USP31: variants seen among roughly 807,000 people sequenced by gnomAD.
USP31 encodes the protein ubiquitin specific peptidase 31.
USP31 carries 44 observed loss-of-function variants against 119.4 expected under a neutral mutation model. That is an observed-to-expected ratio of 0.37 (90% CI 0.29 to 0.47). The LOEUF (loss-of-function observed/expected upper bound fraction) is 0.47, where lower values mean the gene tolerates loss of function less well. USP31 is among the 20% of genes least tolerant of loss of function. The probability of loss-of-function intolerance (pLI) is 0.99; values close to 1 mark genes in which losing one functional copy is unlikely to be tolerated. For missense variants in USP31, 1,643 were observed against 1,730.2 expected, an observed-to-expected ratio of 0.95 and a Z score of 0.89; for synonymous variants, 749 against 705.6, an observed-to-expected ratio of 1.06 and a Z score of -0.97.
At chr16:23,121,986 T>G (rs981478445) in intron 1 of USP31, among the ~76,000 whole-genome samples, 2 of 152,170 alleles carry the variant, frequency 1.3e-5, no homozygotes, top group African/African-American at 4.8e-5. Context: ...ATCTGAGAAG[T>G]CTTTATGACG....
At chr16:23,147,938 A>G (rs1903571962) in intron 1 of USP31, among the ~76,000 whole-genome samples, 1 of 152,172 alleles carries the variant, frequency 6.6e-6, no homozygotes, top group Admixed American at 6.5e-5. Context: ...CTCTAAAAAT[A>G]AAATAAAAAT....
At chr16:23,123,208 T>C (rs1273411369) in intron 1 of USP31, among the ~76,000 whole-genome samples, 1 of 152,168 alleles carries the variant, frequency 6.6e-6, no homozygotes, top group Non-Finnish European at 1.5e-5. Flanking sequence ...TAACGCCATA[T>C]ATATTTTTCT....
chr16:23,132,450 G>A (rs1275754135), intron 1 of USP31, among the ~76,000 whole-genome samples: 2 of 150,852 alleles, frequency 1.3e-5, no homozygotes, highest in Non-Finnish European at 2.9e-5. Flanking sequence ...GCCCCTCATT[G>A]TGACGAGTGT....
intron 1 of USP31, among the ~76,000 whole-genome samples, chr16:23,120,769 C>T (rs1902640495): frequency 6.6e-6 from 1 of 152,204 alleles, no homozygotes; most frequent in African/African-American, 2.4e-5. Context: ...ATGTTCTTCG[C>T]TGAGTGGTGC....
chr16:23,112,443 C>G lies in USP31; in HGVS notation c.634-4260G>C, dbSNP rs569044142. ...ACACAAAATTAGTCAGGCGTGGTGACACATGCCTGTAATCCCAGCTACTTG... is the reference window on the plus strand; with the variant it reads ...ACACAAAATTAGTCAGGCGTGGTGAGACATGCCTGTAATCCCAGCTACTTG... On this transcript the variant is annotated intron_variant, in intron 1 of 15. Coordinates refer to ENST00000219689, the MANE Select transcript of USP31 (RefSeq NM_020718.4). Among the ~76,000 whole-genome samples the G allele has an allele frequency of 2.2e-3, 342 of 152,072 alleles. 1 individual carries two copies. Among genetic ancestry groups the G allele is most frequent in the Admixed American group, 6.6e-3 (101 of 15,282 alleles).
At chr16:23,126,195 C>A (rs1453298826) in intron 1 of USP31, among the ~76,000 whole-genome samples, 1 of 151,582 alleles carries the variant, frequency 6.6e-6, no homozygotes, top group Non-Finnish European at 1.5e-5. Context: ...TGGTGGCAGG[C>A]ACCTGTTGTC....
intron 6 of USP31, among the ~76,000 whole-genome samples, chr16:23,092,590 C>A (rs957056414): frequency 6.6e-6 from 1 of 151,980 alleles, no homozygotes; most frequent in Non-Finnish European, 1.5e-5. Context: ...GCTCTCTGGA[C>A]AAGATAATTT....
chr16:23,149,390 A>C lies in USP31; in HGVS notation c.-120T>G. On this transcript the variant is annotated 5_prime_UTR_variant, in exon 1 of 16. Coordinates refer to ENST00000219689, the MANE Select transcript of USP31 (RefSeq NM_020718.4). ...GGCCCGGGGGCTCGACGCCCCACACACCTCAAAGCGCAGCCGAGCCAGCGA... is the reference window on the plus strand; with the variant it reads ...GGCCCGGGGGCTCGACGCCCCACACCCCTCAAAGCGCAGCCGAGCCAGCGA... 1.6e-5 allele frequency: 15 copies of C among 945,848 alleles called. No homozygotes were observed. Among genetic ancestry groups the C allele is most frequent in the Non-Finnish European group, 1.9e-5 (15 of 796,948 alleles). 58.6% of individuals were successfully genotyped at this position (945,848 alleles called of 1,614,324 possible).
At chr16:23,127,540 G>A (rs1902899117) in intron 1 of USP31, among the ~76,000 whole-genome samples, 1 of 152,068 alleles carries the variant, frequency 6.6e-6, no homozygotes, top group Admixed American at 6.5e-5. Context: ...TCAGCTCACT[G>A]CAACCTCTGC....
chr16:23,111,754 ATGT>A (rs906806570), intron 1 of USP31, among the ~76,000 whole-genome samples: 10 of 152,294 alleles, frequency 6.6e-5, no homozygotes, highest in African/African-American at 2.2e-4. Context: ...ACCATCAAAG[ATGT>A]TGTGAGAAAA....
chr16:23,066,750 G>C lies in USP31; in HGVS notation c.*1296C>G, dbSNP rs1255200519. 6.6e-6 allele frequency: 1 copy of C among 152,136 alleles called. No individual in the cohort carries two copies. The highest frequency in any genetic ancestry group is 2.4e-5 in the African/African-American group (1 of 41,424). The allele number at this position is 152,136 out of a possible 1,614,324, so 9.4% of individuals were successfully genotyped here. On this transcript the variant is annotated 3_prime_UTR_variant, in exon 16 of 16. Transcript: ENST00000219689. The stretch of plus-strand genomic sequence containing the variant: ...AAAACTATATACTTTGCTTATCTGT[G>C]AGGTTTTTTTTGGTGAGGTTCTCCT...
chr16:23,072,005 G>C, intron 15 of USP31, 40 bp downstream of exon 15: 3 of 1,586,714 alleles, frequency 1.9e-6, no homozygotes, highest in Non-Finnish European at 2.6e-6. Flanking sequence ...GTGTCTGTGA[G>C]TTACCATTCT....
At chr16:23,073,157 C>A (rs1423405158) in intron 14 of USP31, among the ~76,000 whole-genome samples, 1 of 152,102 alleles carries the variant, frequency 6.6e-6, no homozygotes, top group Admixed American at 6.5e-5. Flanking sequence ...ACACAACAGG[C>A]TGGATGTCAT....
At position 23,142,881 on chromosome 16, in the gene USP31, G is replaced by A. The variant is rs1033373349; in HGVS notation, c.633+5757C>T. Among the ~76,000 whole-genome samples, 43 of 152,172 alleles carry A rather than the reference G, an allele frequency of 2.8e-4. 1 individual carries two copies. Among genetic ancestry groups the A allele is most frequent in the Non-Finnish European group, 2.9e-5 (2 of 68,030 alleles). The stretch of plus-strand genomic sequence containing the variant: ...TTCCAAGGGACACCCTGAAGTCAGT[G>A]TGCTTTGTGGAAAACACTGAAGTAT... On this transcript the variant is annotated intron_variant, in intron 1 of 15. Coordinates refer to ENST00000219689, the MANE Select transcript of USP31 (RefSeq NM_020718.4).
intron 1 of USP31, among the ~76,000 whole-genome samples, chr16:23,119,809 C>T (rs1902609255): frequency 6.6e-6 from 1 of 152,160 alleles, no homozygotes; most frequent in South Asian, 2.1e-4. Context: ...GCCCAAGTGT[C>T]CCAGGATGCT....
chr16:23,097,921 G>C (rs940106271), intron 6 of USP31, among the ~76,000 whole-genome samples: 1 of 151,854 alleles, frequency 6.6e-6, no homozygotes, highest in Non-Finnish European at 1.5e-5. Flanking sequence ...ACAAGACAAG[G>C]ATGCCCTCTC....
chr16:23,072,993 A>G (rs549672131), intron 14 of USP31, among the ~76,000 whole-genome samples: 26 of 152,168 alleles, frequency 1.7e-4, no homozygotes, highest in South Asian at 4.1e-4. Flanking sequence ...GCAAGGATTC[A>G]TAGCCCCTAA....
At chr16:23,110,986 G>A (rs142358114) in intron 1 of USP31, among the ~76,000 whole-genome samples, 2,191 of 152,154 alleles carry the variant, frequency 0.014, 23 homozygotes, top group South Asian at 0.035. Context: ...AAATTAGCCA[G>A]GCGTGGTGGT....
At chr16:23,147,330 A>G (rs1051412465) in intron 1 of USP31, among the ~76,000 whole-genome samples, 2 of 151,920 alleles carry the variant, frequency 1.3e-5, no homozygotes, top group Non-Finnish European at 2.9e-5. Context: ...CTGGTCTCGA[A>G]CCCCCGGACC....
Sources: gnomAD v4.1 joint callset for allele counts (sites outside exome capture counted in the v4.1 genomes callset) on GRCh38, gnomAD v4.1.1 for gene constraint, MANE v1.5 for transcripts, NCBI Gene and HGNC (gene_info 2026-07-23, HGNC 2026-07-21) for gene names.